The following SCGN variants were observed in gnomAD, a reference collection of about 807,000 sequenced individuals.
SCGN encodes secretagogin.
SCGN carries 30 observed loss-of-function variants against 39.7 expected under a neutral mutation model. The observed-to-expected ratio is 0.76, with a 90% confidence interval of 0.57 to 1.03. SCGN has a LOEUF of 1.03. Ranked by LOEUF, SCGN falls within the 50% of genes least tolerant of loss-of-function variation. SCGN has a pLI of 0.00. For missense variants in SCGN, 353 were observed against 349.4 expected (o/e 1.01, Z -0.08); for synonymous variants, 106 against 114.1 (o/e 0.93, Z 0.45).
At chr6:25,663,860 C>T (rs927068403) in intron 3 of SCGN, among the ~76,000 whole-genome samples, 4 of 152,114 alleles carry the variant, frequency 2.6e-5, no homozygotes, top group African/African-American at 7.2e-5. Context: ...TGACCCATAT[C>T]CAATTAGAAA....
intron 6 of SCGN, among the ~76,000 whole-genome samples, chr6:25,676,086 T>C (rs923285614): frequency 2.0e-5 from 3 of 152,184 alleles, no homozygotes; most frequent in African/African-American, 7.2e-5. Flanking sequence ...CTTGAAACCA[T>C]CTTTGATGCC....
intron 10 of SCGN, among the ~76,000 whole-genome samples, chr6:25,691,487 C>T (rs114093481): frequency 1.1e-3 from 174 of 152,176 alleles, no homozygotes; most frequent in Non-Finnish European, 2.0e-3. Flanking sequence ...TTGAATTTCA[C>T]GTAATAAAAC....
intron 10 of SCGN, among the ~76,000 whole-genome samples, chr6:25,699,194 G>T (rs1759876077): frequency 6.6e-6 from 1 of 152,070 alleles, no homozygotes; most frequent in Non-Finnish European, 1.5e-5. Context: ...GACTAAATTT[G>T]TTTTTTGTTT....
At chr6:25,668,979 T>C (rs930522828) in intron 4 of SCGN, among the ~76,000 whole-genome samples, 5 of 151,892 alleles carry the variant, frequency 3.3e-5, no homozygotes, top group African/African-American at 9.7e-5. Context: ...GGCGTGGTGG[T>C]GGGTGCCTGT....
At chr6:25,682,862 G>C (rs375760872) in intron 7 of SCGN, among the ~76,000 whole-genome samples, 2 of 152,124 alleles carry the variant, frequency 1.3e-5, no homozygotes, top group Non-Finnish European at 2.9e-5. Flanking sequence ...TGTTGGTTTC[G>C]TCTCTTAGTG....
At position 25,664,929 on chromosome 6, in the gene SCGN, T is replaced by C. The variant is rs1760400913; in HGVS notation, c.247-14T>C. 6.2e-7 allele frequency: 1 copy of C among 1,607,640 alleles called. No homozygotes were observed. On this transcript the variant is annotated splice_polypyrimidine_tract_variant and intron_variant, in intron 3 of 10. Transcript: ENST00000377961. Reference sequence around the variant, plus strand: ...GGCCAGTGTCCCTGACTGTTATTCTTTCTGTTCCTTCAGCTTGCTGGTATG... The same window carrying C: ...GGCCAGTGTCCCTGACTGTTATTCTCTCTGTTCCTTCAGCTTGCTGGTATG...
rs138896007 is a variant in SCGN, at chr6:25,698,878, G to A, written c.703-2329G>A. 3.0e-3 allele frequency among the ~76,000 whole-genome samples: 453 copies of A among 152,238 alleles called. 3 individuals are homozygous for A. Among genetic ancestry groups the A allele is most frequent in the African/African-American group, 0.01 (419 of 41,540 alleles). ...CTCTGCCATCTGGCTCCCAATTTCT[G>A]TTGCTCTTTCCTCCTTCCTCCTATT... On this transcript the variant is annotated intron_variant, in intron 10 of 10. Coordinates refer to ENST00000377961, the MANE Select transcript of SCGN (RefSeq NM_006998.4).
At chr6:25,681,792 A>G (rs895284845) in intron 6 of SCGN, among the ~76,000 whole-genome samples, 159 bp from the exon 7 acceptor site, 14 of 152,208 alleles carry the variant, frequency 9.2e-5, no homozygotes, top group African/African-American at 3.4e-4. Flanking sequence ...CTGACATGCA[A>G]TTCCTTCTGT....
At chr6:25,693,896 G>T (rs1328551522) in intron 10 of SCGN, among the ~76,000 whole-genome samples, 1 of 152,192 alleles carries the variant, frequency 6.6e-6, no homozygotes, top group Non-Finnish European at 1.5e-5. Flanking sequence ...AAGTCATTTT[G>T]CATCTCCAAA....
intron 4 of SCGN, among the ~76,000 whole-genome samples, chr6:25,665,594 G>A (rs889157689): frequency 6.6e-6 from 1 of 152,196 alleles, no homozygotes; most frequent in African/African-American, 2.4e-5. Context: ...CTACCCCCTC[G>A]CTCAGCCTCT....
At chr6:25,684,543 C>T (rs575714754) in intron 7 of SCGN, among the ~76,000 whole-genome samples, 1 of 152,204 alleles carries the variant, frequency 6.6e-6, no homozygotes, top group East Asian at 1.9e-4. Context: ...ACTTGTAATC[C>T]CAGCACTGTG....
chr6:25,657,667 A>T (rs1289290320), intron 2 of SCGN, among the ~76,000 whole-genome samples: 2 of 148,860 alleles, frequency 1.3e-5, no homozygotes, highest in Non-Finnish European at 3.0e-5. Flanking sequence ...ATATATATAT[A>T]ATATATATAT....
intron 6 of SCGN, 85 bp from the exon 7 acceptor site, chr6:25,681,866 A>C: frequency 8.6e-7 from 1 of 1,166,874 alleles, no homozygotes; most frequent in Non-Finnish European, 1.3e-6. Flanking sequence ...ATATGTAATC[A>C]GAAGAGCAAA....
chr6:25,669,162 A>G (rs1242160618), intron 4 of SCGN, among the ~76,000 whole-genome samples: 2 of 151,648 alleles, frequency 1.3e-5, no homozygotes, highest in African/African-American at 2.4e-5. Flanking sequence ...TTAGGTATTT[A>G]GTACTGAGGA....
In SCGN at chr6:25,652,428, CTG is replaced by C; in HGVS notation, c.26_27del (p.Leu9ArgfsTer16). On this transcript the variant is annotated frameshift_variant, in exon 1 of 11. Transcript: ENST00000377961. LOFTEE classifies it high-confidence loss of function. ...CATGGACAGCTCCCGGGAACCGACT[CTG>C]GGGCGCTTGGACGCCGCTGGCTTCT... MDSSREPT[L>X]GRLDAAGFWQ... 3.1e-6 allele frequency: 5 copies of C among 1,614,170 alleles called. No homozygotes were observed. The highest frequency in any genetic ancestry group is 3.4e-6 in the Non-Finnish European group (4 of 1,180,026).
intron 2 of SCGN, among the ~76,000 whole-genome samples, chr6:25,655,710 T>A (rs2151376436): frequency 6.6e-6 from 1 of 152,294 alleles, no homozygotes; most frequent in East Asian, 1.9e-4. Context: ...CCTGTAGGTA[T>A]TTAAATACAT....
intron 6 of SCGN, among the ~76,000 whole-genome samples, chr6:25,672,761 A>G (rs1392933464): frequency 6.6e-6 from 1 of 152,200 alleles, no homozygotes; most frequent in Non-Finnish European, 1.5e-5. Context: ...AGAGTCCTCA[A>G]TGGGCAAGTA....
intron 2 of SCGN, among the ~76,000 whole-genome samples, chr6:25,660,026 G>GA (rs937959204): frequency 1.3e-5 from 2 of 152,182 alleles, no homozygotes; most frequent in East Asian, 1.9e-4. Context: ...GAGCACAAAA[G>GA]AAAAAAACAA....
At chr6:25,681,913 C>T in intron 6 of SCGN, 38 bp from the exon 7 acceptor site, 1 of 1,542,254 alleles carries the variant, frequency 6.5e-7, no homozygotes. Context: ...GAATTAGTTC[C>T]TGTTACAAGT....
Sources: gnomAD v4.1 joint callset for allele counts (sites outside exome capture counted in the v4.1 genomes callset) on GRCh38, gnomAD v4.1.1 for gene constraint, MANE v1.5 for transcripts, NCBI Gene and HGNC (gene_info 2026-07-23, HGNC 2026-07-21) for gene names.